The following CCDC175 variants were observed in gnomAD, a reference collection of about 807,000 sequenced individuals.
CCDC175 encodes the protein coiled-coil domain-containing protein 175.
In CCDC175, 100 loss-of-function variants were observed where a neutral mutation model predicts 114.6. That is an observed-to-expected ratio of 0.87 (90% CI 0.74 to 1.03). The LOEUF (loss-of-function observed/expected upper bound fraction) is 1.03, where lower values mean the gene tolerates loss of function less well. CCDC175 is among the 50% of genes least tolerant of loss of function. The pLI is 0.00. For missense variants in CCDC175, 880 were observed against 917.8 expected, an observed-to-expected ratio of 0.96 and a Z score of 0.53; for synonymous variants, 306 against 308.7, an observed-to-expected ratio of 0.99 and a Z score of 0.09.
chr14:59,526,206 A>C (rs2139993526), intron 15 of CCDC175, among the ~76,000 whole-genome samples: 1 of 152,326 alleles, frequency 6.6e-6, no homozygotes, highest in Admixed American at 6.5e-5. Context: ...CATAATCATC[A>C]CCAGAAGCAT....
chr14:59,526,086 AAAG>A (rs1446839187), intron 15 of CCDC175, among the ~76,000 whole-genome samples: 31 of 152,332 alleles, frequency 2.0e-4, no homozygotes, highest in Admixed American at 7.8e-4. Flanking sequence ...TTTCTTGAAG[AAAG>A]AAGAAGATTA....
At chr14:59,565,456 G>C (rs1896481191) in intron 4 of CCDC175, among the ~76,000 whole-genome samples, 181 bp from the exon 5 acceptor site, 2 of 152,172 alleles carry the variant, frequency 1.3e-5, no homozygotes, top group African/African-American at 4.8e-5. Context: ...TGTAATCCTA[G>C]CACTTTGGGA....
chr14:59,543,362 G>A lies in CCDC175; in HGVS notation c.1265C>T (p.Thr422Ile). 1 of 1,405,886 alleles carries A rather than the reference G, an allele frequency of 7.1e-7. No homozygotes were observed. Among genetic ancestry groups the A allele is most frequent in the South Asian group, 1.4e-5 (1 of 71,300 alleles). 87.1% of individuals were successfully genotyped at this position (1,405,886 alleles called of 1,614,324 possible). A position where few individuals can be genotyped will look rare whatever the true frequency, so the allele number is the denominator to read the frequency against. ...AACATACTGTTGAAGTTCCTGGAGTGTGATGAGTCCTTCTTCCATATTTTT... is the reference window on the plus strand; with the variant it reads ...AACATACTGTTGAAGTTCCTGGAGTATGATGAGTCCTTCTTCCATATTTTT... ...DIKNMEEGLITLQELQQATKT... is the reference protein window; with the variant it reads ...DIKNMEEGLIILQELQQATKT... Residue 422 changes from threonine (T) to isoleucine (I), a missense_variant, in exon 10 of 20, where the codon ACA becomes ATA. Transcript: ENST00000537690.
chr14:59,530,639 T>C (rs949372427), intron 14 of CCDC175, among the ~76,000 whole-genome samples: 3 of 152,144 alleles, frequency 2.0e-5, no homozygotes, highest in Non-Finnish European at 4.4e-5. Context: ...ATTACCCATG[T>C]ATTATTATTA....
intron 14 of CCDC175, among the ~76,000 whole-genome samples, chr14:59,529,729 GA>G (rs980243776): frequency 4.0e-5 from 6 of 150,146 alleles, no homozygotes; most frequent in Admixed American, 6.6e-5. Flanking sequence ...ATCTTTTTCA[GA>G]AAAAAAAACC....
intron 13 of CCDC175, among the ~76,000 whole-genome samples, chr14:59,536,667 C>T (rs1382735386): frequency 6.6e-6 from 1 of 152,062 alleles, no homozygotes; most frequent in Non-Finnish European, 1.5e-5. Context: ...TATTTTCTGG[C>T]CCTCACCTTC....
At chr14:59,568,436 T>C (rs1896674891) in intron 3 of CCDC175, 56 bp from the exon 4 acceptor site, 4 of 1,350,650 alleles carry the variant, frequency 3.0e-6, no homozygotes, top group Non-Finnish European at 3.9e-6. Context: ...CAACTGTAGA[T>C]ACTGACTTTC....
At chr14:59,561,416 T>A (rs1896221603) in intron 6 of CCDC175, among the ~76,000 whole-genome samples, 188 bp from the exon 7 acceptor site, 1 of 152,094 alleles carries the variant, frequency 6.6e-6, no homozygotes, top group Non-Finnish European at 1.5e-5. Flanking sequence ...AATTCTGAAA[T>A]CATCAGAAAA....
chr14:59,513,496 C>T (rs1249806869), intron 17 of CCDC175, among the ~76,000 whole-genome samples: 2 of 152,214 alleles, frequency 1.3e-5, no homozygotes, highest in African/African-American at 4.8e-5. Context: ...ACTGTCTTAG[C>T]AAACGGCACA....
At chr14:59,507,172 G>A (rs1270372420) in intron 19 of CCDC175, among the ~76,000 whole-genome samples, 1 of 152,174 alleles carries the variant, frequency 6.6e-6, no homozygotes, top group Non-Finnish European at 1.5e-5. Flanking sequence ...CACACTTGCT[G>A]GTTGGTTCCC....
In CCDC175 at chr14:59,538,372, G is replaced by A. The variant is rs2140028602; in HGVS notation, c.1492-218C>T. 1.3e-5 allele frequency among the ~76,000 whole-genome samples: 2 copies of A among 152,206 alleles called. 1 individual carries two copies. The highest frequency in any genetic ancestry group is 4.2e-4 in the South Asian group (2 of 4,814). On this transcript the variant is annotated intron_variant, in intron 12 of 19. Transcript: ENST00000537690. Reference sequence around the variant, plus strand: ...AAATATGACATGAGGAGTGGGGAGGGTAGAGGACAGTGAGTGAGCAGAGGG... The same window carrying A: ...AAATATGACATGAGGAGTGGGGAGGATAGAGGACAGTGAGTGAGCAGAGGG...
chr14:59,539,661 C>T (rs966787903), intron 11 of CCDC175, among the ~76,000 whole-genome samples: 1 of 152,078 alleles, frequency 6.6e-6, no homozygotes, highest in Non-Finnish European at 1.5e-5. Flanking sequence ...TGCCTGTAAT[C>T]CCAGCACTTT....
intron 13 of CCDC175, among the ~76,000 whole-genome samples, chr14:59,532,448 A>C (rs1317750369): frequency 6.6e-6 from 1 of 152,182 alleles, no homozygotes. Flanking sequence ...TTTCTTAGCA[A>C]ATCAGGATGG....
intron 3 of CCDC175, among the ~76,000 whole-genome samples, chr14:59,571,642 T>C (rs376521963): frequency 4.6e-5 from 7 of 152,122 alleles, no homozygotes; most frequent in African/African-American, 1.4e-4. Context: ...TTGGCAAAGA[T>C]GTAGAGATAC....
At chr14:59,571,631 AT>A (rs1479857800) in intron 3 of CCDC175, among the ~76,000 whole-genome samples, 2 of 152,214 alleles carry the variant, frequency 1.3e-5, no homozygotes, top group Admixed American at 6.5e-5. Flanking sequence ...AATAACAAGT[AT>A]TGGCAAAGAT....
chr14:59,570,143 G>C (rs1388940324), intron 3 of CCDC175, among the ~76,000 whole-genome samples: 1 of 151,750 alleles, frequency 6.6e-6, no homozygotes, highest in Non-Finnish European at 1.5e-5. Flanking sequence ...TCTTCATGCA[G>C]AGGTGCCTCA....
At chr14:59,547,771 A>G (rs1895203059) in intron 8 of CCDC175, among the ~76,000 whole-genome samples, 1 of 152,240 alleles carries the variant, frequency 6.6e-6, no homozygotes, top group African/African-American at 2.4e-5. Context: ...GAATAGTCTC[A>G]TGACATAGGA....
At chr14:59,512,361 G>A (rs892296847) in intron 17 of CCDC175, among the ~76,000 whole-genome samples, 4 of 152,140 alleles carry the variant, frequency 2.6e-5, no homozygotes, top group South Asian at 2.1e-4. Context: ...CTCTGTGCCC[G>A]CATGACTGAC....
At chr14:59,551,802 C>T (rs536607959) in intron 7 of CCDC175, among the ~76,000 whole-genome samples, 115 of 152,360 alleles carry the variant, frequency 7.5e-4, no homozygotes, top group African/African-American at 1.9e-3. Flanking sequence ...TCTTAGCAAA[C>T]GGCACACCAG....
Sources: allele counts gnomAD v4.1 joint callset (sites outside exome capture counted in the v4.1 genomes callset), GRCh38; gene constraint gnomAD v4.1.1; transcripts MANE v1.5; gene names NCBI Gene and HGNC (gene_info 2026-07-23, HGNC 2026-07-21).